The following GAB2 variants were observed in gnomAD, a reference collection of about 807,000 sequenced individuals.
GAB2 encodes the protein GRB2 associated binding protein 2, also known as GRB2-associated-binding protein 2.
Under a neutral mutation model 65.5 loss-of-function variants are expected in GAB2, and 26 were observed. The ratio of observed to expected loss-of-function variants is 0.40; its 90% CI spans 0.29 to 0.55. The LOEUF (loss-of-function observed/expected upper bound fraction) is 0.55, where lower values mean the gene tolerates loss of function less well. Ranked by LOEUF, GAB2 falls within the 20% of genes least tolerant of loss-of-function variation. GAB2 has a pLI of 0.53. For synonymous variants in GAB2, 321 were observed against 329.6 expected, an observed-to-expected ratio of 0.97 and a Z score of 0.28; for missense variants, 884 against 875.8, an observed-to-expected ratio of 1.01 and a Z score of -0.12.
intron 2 of GAB2, among the ~76,000 whole-genome samples, chr11:78,263,993 G>A (rs1266303602): frequency 6.6e-6 from 1 of 151,654 alleles, no homozygotes; most frequent in African/African-American, 2.4e-5. Context: ...AATGAGAACA[G>A]CTTTTATTTA....
At chr11:78,366,362 C>T (rs1047768393) in intron 1 of GAB2, among the ~76,000 whole-genome samples, 1 of 151,872 alleles carries the variant, frequency 6.6e-6, no homozygotes, top group Non-Finnish European at 1.5e-5. Flanking sequence ...GGTGGATCAC[C>T]TGAGGTCAGG....
At chr11:78,349,087 A>C (rs1034568688) in intron 1 of GAB2, among the ~76,000 whole-genome samples, 2 of 152,238 alleles carry the variant, frequency 1.3e-5, no homozygotes, top group Non-Finnish European at 2.9e-5. Flanking sequence ...AATGTTCTAC[A>C]TCTTCAATGT....
In GAB2 at chr11:78,245,937, A is replaced by C. The variant is rs145700762; in HGVS notation, c.620+4220T>G. 4.1e-3 allele frequency among the ~76,000 whole-genome samples: 597 copies of C among 143,876 alleles called. 1 individual carries two copies. The highest frequency in any genetic ancestry group is 0.014 in the South Asian group (63 of 4,506). The allele number at this position is 143,876 out of a possible 152,430, so 94.4% of individuals were successfully genotyped here. On this transcript the variant is annotated intron_variant, in intron 3 of 9. Coordinates refer to ENST00000361507, the MANE Select transcript of GAB2 (RefSeq NM_080491.3). Reference sequence around the variant, plus strand: ...TCCTTGGTTGGCAGAGGGTTTTTTTATTTTCTTTTTTTCTTTTTTTTTTTT... The same window carrying C: ...TCCTTGGTTGGCAGAGGGTTTTTTTCTTTTCTTTTTTTCTTTTTTTTTTTT...
chr11:78,348,527 C>T (rs1028763577), intron 1 of GAB2, among the ~76,000 whole-genome samples: 3 of 152,200 alleles, frequency 2.0e-5, no homozygotes, highest in African/African-American at 7.2e-5. Flanking sequence ...ATGAAAACCA[C>T]AATGAATACC....
chr11:78,233,487 T>C (rs1864902543), intron 3 of GAB2, among the ~76,000 whole-genome samples: 1 of 152,362 alleles, frequency 6.6e-6, no homozygotes, highest in Admixed American at 6.5e-5. Flanking sequence ...TCACATTTTT[T>C]GCCCATTAAA....
intron 1 of GAB2, among the ~76,000 whole-genome samples, chr11:78,326,478 A>T (rs1855824727): frequency 6.6e-6 from 1 of 151,346 alleles, no homozygotes; most frequent in Non-Finnish European, 1.5e-5. Flanking sequence ...AAGTTTGGAC[A>T]ATTTTTTTTT....
chr11:78,402,925 A>C (rs1856993225), intron 1 of GAB2, among the ~76,000 whole-genome samples: 1 of 152,160 alleles, frequency 6.6e-6, no homozygotes. Flanking sequence ...GGAGGTTATC[A>C]GGTCATGAGG....
At chr11:78,386,636 T>A (rs531051397) in intron 1 of GAB2, among the ~76,000 whole-genome samples, 68 of 152,314 alleles carry the variant, frequency 4.5e-4, no homozygotes, top group Non-Finnish European at 9.1e-4. Flanking sequence ...CAAGAAGGCC[T>A]GGAGGTTTTC....
chr11:78,411,752 G>C (rs1857131804), intron 1 of GAB2, among the ~76,000 whole-genome samples: 1 of 151,726 alleles, frequency 6.6e-6, no homozygotes, highest in Admixed American at 6.6e-5. Flanking sequence ...AACCAGGAAA[G>C]CCGGCGCAGT....
intron 1 of GAB2, among the ~76,000 whole-genome samples, chr11:78,295,253 T>C (rs1375675980): frequency 2.2e-4 from 33 of 152,144 alleles, no homozygotes; most frequent in Admixed American, 2.2e-3. Context: ...CAGATTTAGA[T>C]TTTCCCCTTA....
intron 1 of GAB2, among the ~76,000 whole-genome samples, chr11:78,301,664 C>G (rs1253948014): frequency 1.3e-5 from 2 of 152,172 alleles, no homozygotes. Context: ...ACAAACGTTT[C>G]TGAGTTTGAT....
intron 1 of GAB2, among the ~76,000 whole-genome samples, chr11:78,312,532 T>A (rs528447255): frequency 6.6e-6 from 1 of 152,282 alleles, no homozygotes; most frequent in East Asian, 1.9e-4. Flanking sequence ...TTCAAGCAAT[T>A]CCCCTGCCTC....
chr11:78,404,132 T>G (rs1037208612), intron 1 of GAB2, among the ~76,000 whole-genome samples: 2 of 152,176 alleles, frequency 1.3e-5, no homozygotes, highest in African/African-American at 4.8e-5. Flanking sequence ...AGGAAATCAA[T>G]GTATTGAAGA....
At chr11:78,299,871 TG>T (rs1362611522) in intron 1 of GAB2, among the ~76,000 whole-genome samples, 1 of 152,234 alleles carries the variant, frequency 6.6e-6, no homozygotes, top group Admixed American at 6.5e-5. Context: ...TTGTTTAATT[TG>T]TAAGAATTCA....
chr11:78,316,482 G>C (rs1004943991), intron 1 of GAB2, among the ~76,000 whole-genome samples: 1 of 152,076 alleles, frequency 6.6e-6, no homozygotes, highest in Non-Finnish European at 1.5e-5. Context: ...AATTGACAAA[G>C]GACTTGAATA....
rs143409409 is a variant in GAB2 at position 78,305,266 on chromosome 11, T to C, written c.76-24365A>G. ...CAGAGCTGGGACAAAAACTCTAGTC[T>C]TTTTTTATTTTTTTATAGATAGGAC... On this transcript the variant is annotated intron_variant, in intron 1 of 9. Transcript: ENST00000361507. Among the ~76,000 whole-genome samples the C allele has an allele frequency of 3.3e-3, 500 of 152,326 alleles. 2 individuals are homozygous for C. The highest frequency in any genetic ancestry group is 0.011 in the African/African-American group (476 of 41,576).
intron 1 of GAB2, among the ~76,000 whole-genome samples, chr11:78,310,108 A>T (rs563258777): frequency 6.6e-6 from 1 of 152,164 alleles, no homozygotes; most frequent in Admixed American, 6.5e-5. Context: ...CTCGCATAAC[A>T]AAGAATTGTC....
rs149891473 is a variant in GAB2, at chr11:78,402,785, T to C, written c.75+14861A>G. ...CTTTTAAAAGTCACCTTTTAGAAAA[T>C]TTAAAGAATCATCTTATTACAATGA... On this transcript the variant is annotated intron_variant, in intron 1 of 9. Coordinates refer to ENST00000361507, the MANE Select transcript of GAB2 (RefSeq NM_080491.3). Among the ~76,000 whole-genome samples, 721 of 152,108 alleles carry C rather than the reference T, an allele frequency of 4.7e-3. 5 individuals are homozygous for C. Among genetic ancestry groups the C allele is most frequent in the African/African-American group, 0.017 (699 of 41,446 alleles).
chr11:78,294,877 A>T lies in GAB2; in HGVS notation c.76-13976T>A, dbSNP rs377349754. Among the ~76,000 whole-genome samples the T allele has an allele frequency of 2.0e-3, 307 of 151,802 alleles. 1 individual carries two copies. The highest frequency in any genetic ancestry group is 7.3e-3 in the African/African-American group (298 of 41,100). On this transcript the variant is annotated intron_variant, in intron 1 of 9. Transcript: ENST00000361507. ...CCAAAAGCAATGGCAACAAAAGCCA[A>T]AATTGACAAATGGGATCTAATTAAA... is the stretch of plus-strand genomic sequence containing the variant.
Sources: gnomAD v4.1 joint callset for allele counts (sites outside exome capture counted in the v4.1 genomes callset) on GRCh38, gnomAD v4.1.1 for gene constraint, MANE v1.5 for transcripts, NCBI Gene and HGNC (gene_info 2026-07-23, HGNC 2026-07-21) for gene names.